Variants in LNP1 observed in about 807,000 individuals in gnomAD.
The protein encoded by LNP1 is leukemia NUP98 fusion partner 1.
In LNP1, 12 loss-of-function variants were observed where a neutral mutation model predicts 14.5. The ratio of observed to expected loss-of-function variants is 0.83; its 90% CI spans 0.53 to 1.34. The LOEUF (loss-of-function observed/expected upper bound fraction) is 1.34. LNP1 is among the 40% of genes most tolerant of loss of function. The pLI is 0.00. For missense variants in LNP1, 198 were observed against 210.9 expected, an observed-to-expected ratio of 0.94 and a Z score of 0.38; for synonymous variants, 75 against 71.4, an observed-to-expected ratio of 1.05 and a Z score of -0.26.
intron 1 of LNP1, among the ~76,000 whole-genome samples, chr3:100,409,394 C>T (rs1707004498): frequency 6.6e-6 from 1 of 151,640 alleles, no homozygotes; most frequent in Non-Finnish European, 1.5e-5. Flanking sequence ...CCTGTAATCC[C>T]AGCACTTTGG....
At chr3:100,421,263 G>T (rs1707141754) in intron 1 of LNP1, among the ~76,000 whole-genome samples, 1 of 152,192 alleles carries the variant, frequency 6.6e-6, no homozygotes, top group African/African-American at 2.4e-5. Context: ...AGAAATATAT[G>T]TGGGTCTCTT....
intron 2 of LNP1, among the ~76,000 whole-genome samples, chr3:100,432,950 G>A (rs1707256089): frequency 6.6e-6 from 1 of 152,192 alleles, no homozygotes; most frequent in Non-Finnish European, 1.5e-5. Flanking sequence ...GACCTCCACA[G>A]TGCTTCTTCT....
chr3:100,412,596 G>T (rs1393993820), intron 1 of LNP1, among the ~76,000 whole-genome samples: 1 of 152,038 alleles, frequency 6.6e-6, no homozygotes, highest in African/African-American at 2.4e-5. Flanking sequence ...TCATCTACTG[G>T]ATTATAAGTA....
chr3:100,416,875 C>T (rs1468593814), intron 1 of LNP1, among the ~76,000 whole-genome samples: 1 of 151,742 alleles, frequency 6.6e-6, no homozygotes, highest in African/African-American at 2.4e-5. Context: ...TAATGCTCTC[C>T]CTCCCCTTTC....
At chr3:100,447,002 G>A (rs1193145717) in intron 2 of LNP1, among the ~76,000 whole-genome samples, 2 of 152,008 alleles carry the variant, frequency 1.3e-5, no homozygotes, top group African/African-American at 4.8e-5. Context: ...CTGTTGGTGG[G>A]AGTGTAAATT....
chr3:100,412,303 G>C (rs1707038689), intron 1 of LNP1, among the ~76,000 whole-genome samples: 1 of 152,148 alleles, frequency 6.6e-6, no homozygotes. Context: ...CGTGAGAATA[G>C]CACCAAGCAA....
intron 2 of LNP1, among the ~76,000 whole-genome samples, chr3:100,450,638 G>A (rs984130333): frequency 6.6e-6 from 1 of 152,112 alleles, no homozygotes; most frequent in East Asian, 1.9e-4. Context: ...CGCCTGGCCT[G>A]GATGTCAATC....
intron 1 of LNP1, among the ~76,000 whole-genome samples, chr3:100,405,724 C>A (rs118176999): frequency 6.6e-6 from 1 of 152,124 alleles, no homozygotes; most frequent in African/African-American, 2.4e-5. Context: ...CTCTTTTATT[C>A]ATTTCCTTCA....
chr3:100,435,745 C>T (rs966033723), intron 2 of LNP1, among the ~76,000 whole-genome samples: 15 of 152,102 alleles, frequency 9.9e-5, no homozygotes, highest in Admixed American at 2.0e-4. Flanking sequence ...TGTGAATATT[C>T]GTGAAGGTGG....
At chr3:100,412,209 C>G (rs1707037910) in intron 1 of LNP1, among the ~76,000 whole-genome samples, 1 of 152,184 alleles carries the variant, frequency 6.6e-6, no homozygotes, top group South Asian at 2.1e-4. Context: ...AACGAGAAAC[C>G]TTGCTTTGTA....
chr3:100,453,420 A>T (rs1707478395), intron 3 of LNP1, among the ~76,000 whole-genome samples: 1 of 150,970 alleles, frequency 6.6e-6, no homozygotes, highest in Non-Finnish European at 1.5e-5. Context: ...GTCTCTACGA[A>T]AATTAAAAAA....
At chr3:100,441,744 C>T (rs1192585147) in intron 2 of LNP1, among the ~76,000 whole-genome samples, 1 of 152,012 alleles carries the variant, frequency 6.6e-6, no homozygotes, top group Non-Finnish European at 1.5e-5. Context: ...CTCACTGCAA[C>T]CTCCACCTCG....
At chr3:100,442,630 T>C (rs1328967466) in intron 2 of LNP1, among the ~76,000 whole-genome samples, 1 of 152,176 alleles carries the variant, frequency 6.6e-6, no homozygotes, top group Admixed American at 6.5e-5. Flanking sequence ...CAATCAGATA[T>C]GCATTTATCT....
At position 100,417,885 on chromosome 3, in the gene LNP1, C is replaced by CT. The variant is rs1178767710; in HGVS notation, c.-33-11805dup. ...TTCTTTCTTCATTTGTTAAAATAAT[C>CT]TTTTTTTATCTTGTATTTATTTGGA... On this transcript the variant is annotated intron_variant, in intron 1 of 3. Transcript: ENST00000383693. 4.0e-5 allele frequency among the ~76,000 whole-genome samples: 6 copies of CT among 151,860 alleles called. No individual in the cohort carries two copies. In the East Asian group the frequency reaches 1.2e-3, roughly 29 times the overall value.
rs372297437 is a variant in LNP1, at chr3:100,441,191, G to A, written c.157-10528G>A. ...ATCAAAGGGAAAGCAGGAAGGTGCG[G>A]TGGTAGCAAGCAAGGAAACAGTGTT... On this transcript the variant is annotated intron_variant, in intron 2 of 3. Coordinates refer to ENST00000383693, the MANE Select transcript of LNP1 (RefSeq NM_001085451.2). 2.2e-4 allele frequency among the ~76,000 whole-genome samples: 34 copies of A among 152,360 alleles called. No individual in the cohort carries two copies. In the East Asian group the frequency reaches 5.0e-3, roughly 22 times the overall value.
chr3:100,440,054 C>A (rs879672868), intron 2 of LNP1, among the ~76,000 whole-genome samples: 4 of 152,160 alleles, frequency 2.6e-5, no homozygotes, highest in East Asian at 1.9e-4. Flanking sequence ...TCTTCTGAGG[C>A]CTTGCTTGTT....
intron 2 of LNP1, among the ~76,000 whole-genome samples, chr3:100,430,788 G>A (rs1707235952): frequency 6.6e-6 from 1 of 152,208 alleles, no homozygotes; most frequent in African/African-American, 2.4e-5. Flanking sequence ...ATATGAAAGT[G>A]TGTAAGGCAA....
At chr3:100,408,516 G>A (rs773271866) in intron 1 of LNP1, among the ~76,000 whole-genome samples, 68 of 152,220 alleles carry the variant, frequency 4.5e-4, no homozygotes, top group Non-Finnish European at 8.2e-4. Flanking sequence ...CCACTGAGGG[G>A]GCCTGCCTGT....
chr3:100,438,873 G>GGTGA (rs1427015939), intron 2 of LNP1, among the ~76,000 whole-genome samples: 1 of 152,178 alleles, frequency 6.6e-6, no homozygotes, highest in Non-Finnish European at 1.5e-5. Flanking sequence ...GGGATAGATA[G>GGTGA]GTGAGGCTAT....
Sources: allele counts gnomAD v4.1 joint callset (sites outside exome capture counted in the v4.1 genomes callset), GRCh38; gene constraint gnomAD v4.1.1; transcripts MANE v1.5; gene names NCBI Gene and HGNC (gene_info 2026-07-23, HGNC 2026-07-21).